The following SLC9C1 variants were observed in gnomAD, a reference collection of about 807,000 sequenced individuals.
SLC9C1 encodes solute carrier family 9 member C1.
Under a neutral mutation model 140.9 loss-of-function variants are expected in SLC9C1, and 97 were observed. The observed-to-expected ratio is 0.69, with a 90% CI of 0.58 to 0.82. The LOEUF (loss-of-function observed/expected upper bound fraction) is 0.82. SLC9C1 is among the 40% of genes least tolerant of loss of function. The pLI, the probability that SLC9C1 is intolerant of heterozygous loss-of-function variation, is 0.00. For synonymous variants in SLC9C1, 440 were observed against 442.6 expected (o/e 0.99, Z 0.07); for missense variants, 1,340 against 1,389.3 (o/e 0.96, Z 0.56).
chr3:112,142,316 A>AT (rs530523201), intron 28 of SLC9C1, among the ~76,000 whole-genome samples: 19 of 152,086 alleles, frequency 1.2e-4, no homozygotes, highest in Non-Finnish European at 2.4e-4. Flanking sequence ...TTAGATTACT[A>AT]TTTTCTCCAT....
intron 26 of SLC9C1, among the ~76,000 whole-genome samples, chr3:112,162,766 C>G (rs1189285591): frequency 7.0e-6 from 1 of 142,952 alleles, no homozygotes; most frequent in Non-Finnish European, 1.5e-5. Context: ...GCTTTGGTAT[C>G]AGAATGATGC....
At chr3:112,160,661 G>A (rs1339296527) in intron 26 of SLC9C1, among the ~76,000 whole-genome samples, 2 of 151,148 alleles carry the variant, frequency 1.3e-5, no homozygotes, top group Non-Finnish European at 1.5e-5. Flanking sequence ...TCTTAATCCA[G>A]TCTATCATTG....
intron 4 of SLC9C1, among the ~76,000 whole-genome samples, 198 bp from the exon 5 acceptor site, chr3:112,278,058 C>T (rs1484071883): frequency 6.6e-6 from 1 of 152,092 alleles, no homozygotes; most frequent in Non-Finnish European, 1.5e-5. Context: ...CCTTTTTTGT[C>T]TGTTCTTTTT....
chr3:112,176,999 CTCTCTCTT>C (rs1208077633), intron 23 of SLC9C1, among the ~76,000 whole-genome samples: 4 of 140,266 alleles, frequency 2.9e-5, no homozygotes. Flanking sequence ...CTCTCTCTCT[CTCTCTCTT>C]TTTTTTTTTT....
chr3:112,265,163 G>C (rs1011873494), intron 8 of SLC9C1, among the ~76,000 whole-genome samples: 1 of 152,008 alleles, frequency 6.6e-6, no homozygotes, highest in African/African-American at 2.4e-5. Flanking sequence ...TCGAGGTTCA[G>C]AGAGATCACC....
At chr3:112,172,175 C>T (rs6798665) in intron 23 of SLC9C1, among the ~76,000 whole-genome samples, 15,763 of 152,058 alleles carry the variant, frequency 0.1, 869 homozygotes, top group East Asian at 0.2. Flanking sequence ...GAATGGATAT[C>T]TTAATAATAT....
At chr3:112,265,544 T>C (rs1482897231) in intron 8 of SLC9C1, among the ~76,000 whole-genome samples, 1 of 152,090 alleles carries the variant, frequency 6.6e-6, no homozygotes, top group Non-Finnish European at 1.5e-5. Flanking sequence ...AAAACCATGG[T>C]TTACTTTCAG....
Position 112,167,339 on chromosome 3 carries a change from AC to A in SLC9C1, c.3245del (p.Ser1082IlefsTer8), listed in dbSNP as rs2077158803. On this transcript the variant is annotated frameshift_variant, in exon 26 of 29. Transcript: ENST00000305815. LOFTEE classifies it high-confidence loss of function. ...LIPITCHQIQSIEDFTKVVII... is the reference protein window; with the variant it reads ...LIPITCHQIQXIEDFTKVVII... ...TCACTACTTTTGTGAAATCTTCAAT[AC>A]TTTGTATCTGAAAGTTGACAGAATG... The A allele has an allele frequency of 2.5e-6, 4 of 1,589,444 alleles. No homozygotes were observed. The highest frequency in any genetic ancestry group is 1.4e-5 in the African/African-American group (1 of 73,848).
At chr3:112,188,847 C>T (rs570831947) in intron 20 of SLC9C1, among the ~76,000 whole-genome samples, 2 of 152,218 alleles carry the variant, frequency 1.3e-5, no homozygotes, top group African/African-American at 4.8e-5. Flanking sequence ...TACACTCCCA[C>T]CAACAGTGTA....
intron 7 of SLC9C1, among the ~76,000 whole-genome samples, chr3:112,268,198 G>A (rs2079976412): frequency 6.6e-6 from 1 of 152,088 alleles, no homozygotes; most frequent in Non-Finnish European, 1.5e-5. Flanking sequence ...ACTAGCACAT[G>A]AGGAACCCAC....
In SLC9C1 at chr3:112,269,939, A is replaced by C; in HGVS notation, c.752T>G (p.Ile251Ser). 6.4e-7 allele frequency: 1 copy of C among 1,573,580 alleles called. No individual in the cohort carries two copies. The highest frequency in any genetic ancestry group is 1.2e-5 in the South Asian group (1 of 82,108). The change falls in exon 7 of 29, where the codon ATT becomes AGT. Residue 251 changes from isoleucine to serine, a missense_variant. Physicochemically the swap from Ile to Ser is moderately radical, Grantham distance 142. Coordinates refer to ENST00000305815, the MANE Select transcript of SLC9C1 (RefSeq NM_183061.3). ...DVNHISLIFS[I>S]LYLIFYICEL... ...ACAAATATAAAAGATGAGATACAGAATTGAAAAGATGAGACTTATATGATT... is the reference window on the plus strand; with the variant it reads ...ACAAATATAAAAGATGAGATACAGACTTGAAAAGATGAGACTTATATGATT...
chr3:112,286,286 C>A (rs2080505712), intron 2 of SLC9C1, among the ~76,000 whole-genome samples: 1 of 152,074 alleles, frequency 6.6e-6, no homozygotes. Context: ...CTAATCAGGT[C>A]AAAGATAGTG....
intron 27 of SLC9C1, 54 bp from the exon 28 acceptor site, chr3:112,152,017 G>A: frequency 1.4e-6 from 2 of 1,402,090 alleles, no homozygotes; most frequent in Non-Finnish European, 1.9e-6. Context: ...TTTGAAGGGG[G>A]CCTGCCCCTC....
intron 26 of SLC9C1, among the ~76,000 whole-genome samples, chr3:112,158,176 G>A (rs2075180823): frequency 6.6e-6 from 1 of 151,768 alleles, no homozygotes; most frequent in Non-Finnish European, 1.5e-5. Flanking sequence ...CACATTTATT[G>A]TGTTGAGGTA....
chr3:112,167,820 A>G (rs1284176748), intron 25 of SLC9C1, among the ~76,000 whole-genome samples: 2 of 152,194 alleles, frequency 1.3e-5, no homozygotes, highest in Non-Finnish European at 2.9e-5. Context: ...GAAAGTAGAT[A>G]GAGTTTATCA....
chr3:112,224,117 C>T (rs1320019175), intron 13 of SLC9C1, among the ~76,000 whole-genome samples: 1 of 152,182 alleles, frequency 6.6e-6, no homozygotes, highest in Non-Finnish European at 1.5e-5. Context: ...TAGCCAGCTC[C>T]CTCATTCACA....
At chr3:112,226,700 C>T (rs550758368) in intron 13 of SLC9C1, among the ~76,000 whole-genome samples, 5 of 142,716 alleles carry the variant, frequency 3.5e-5, no homozygotes, top group African/African-American at 5.3e-5. Flanking sequence ...CCAGCCTGGG[C>T]GATAGAGTAA....
chr3:112,251,534 G>A lies in SLC9C1; in HGVS notation c.1198-7458C>T, dbSNP rs76995009. ...AAAGTCAGAGATTAGACTCCTGAAC[G>A]TACTCTAGGAAAGGAGGTGATCCAG... On this transcript the variant is annotated intron_variant, in intron 10 of 28. Coordinates refer to ENST00000305815, the MANE Select transcript of SLC9C1 (RefSeq NM_183061.3). Among the ~76,000 whole-genome samples the A allele has an allele frequency of 1.3e-3, 193 of 152,220 alleles. No individual in the cohort carries two copies. In the East Asian group the frequency reaches 0.019, roughly 15 times the overall value.
At chr3:112,198,215 A>G (rs932645262) in intron 20 of SLC9C1, among the ~76,000 whole-genome samples, 4 of 152,032 alleles carry the variant, frequency 2.6e-5, no homozygotes, top group Admixed American at 6.6e-5. Flanking sequence ...AGAGTTTCTA[A>G]TTGTAATTGT....
Sources: gnomAD v4.1 joint callset for allele counts (sites outside exome capture counted in the v4.1 genomes callset) on GRCh38, gnomAD v4.1.1 for gene constraint, MANE v1.5 for transcripts, NCBI Gene and HGNC (gene_info 2026-07-23, HGNC 2026-07-21) for gene names.